RASGRP3: variants seen among roughly 807,000 people sequenced by gnomAD.
RASGRP3 encodes the protein ras guanyl-releasing protein 3.
RASGRP3 carries 54 observed loss-of-function variants against 82.7 expected under a neutral mutation model. The ratio of observed to expected loss-of-function variants is 0.65; its 90% CI spans 0.52 to 0.82. The LOEUF is 0.82. RASGRP3 is among the 40% of genes least tolerant of loss of function. RASGRP3 has a pLI of 0.00. For synonymous variants in RASGRP3, 309 were observed against 300.5 expected, an observed-to-expected ratio of 1.03 and a Z score of -0.29; for missense variants, 861 against 828.9, an observed-to-expected ratio of 1.04 and a Z score of -0.48.
chr2:33,534,718 T>G (rs1320125596), intron 11 of RASGRP3, among the ~76,000 whole-genome samples: 2 of 147,910 alleles, frequency 1.4e-5, no homozygotes, highest in African/African-American at 2.5e-5. Context: ...TTTTTTTGTA[T>G]TTTTAGTAGA....
intron 13 of RASGRP3, among the ~76,000 whole-genome samples, chr2:33,546,442 A>AGTCAAAAAATAACAGAT (rs1237748753): frequency 6.6e-6 from 1 of 151,760 alleles, no homozygotes; most frequent in Non-Finnish European, 1.5e-5. Context: ...AAAAAAAGAA[A>AGTCAAAAAATAACAGAT]GTCAAAAAAT....
At chr2:33,504,855 C>G (rs1035342541) in intron 1 of RASGRP3, among the ~76,000 whole-genome samples, 1 of 152,150 alleles carries the variant, frequency 6.6e-6, no homozygotes, top group African/African-American at 2.4e-5. Flanking sequence ...GTTAAAAATG[C>G]CTTCCTGTTC....
intron 2 of RASGRP3, chr2:33,458,217 A>G (rs1574242842): frequency 1.3e-5 from 2 of 152,232 alleles, no homozygotes; most frequent in African/African-American, 2.4e-5. Context: ...GGTTGGTTGA[A>G]TGCCATTTTT....
intron 15 of RASGRP3, among the ~76,000 whole-genome samples, chr2:33,557,779 T>C (rs1259127856): frequency 1.3e-5 from 2 of 151,644 alleles, no homozygotes; most frequent in African/African-American, 2.4e-5. Context: ...TCAGAGGCAG[T>C]TGGCCTGGGA....
chr2:33,444,716 T>C (rs956465693), intron 1 of RASGRP3, among the ~76,000 whole-genome samples: 2 of 152,340 alleles, frequency 1.3e-5, no homozygotes, highest in Non-Finnish European at 1.5e-5. Flanking sequence ...GTTTTGGAGA[T>C]TTGGCTTATT....
At chr2:33,512,867 T>G (rs1417252813) in intron 2 of RASGRP3, among the ~76,000 whole-genome samples, 1 of 152,226 alleles carries the variant, frequency 6.6e-6, no homozygotes, top group Non-Finnish European at 1.5e-5. Context: ...TTGGAGCTTA[T>G]GTTTATGACA....
chr2:33,546,455 C>G (rs2151084780), intron 13 of RASGRP3, among the ~76,000 whole-genome samples: 1 of 149,940 alleles, frequency 6.7e-6, no homozygotes, highest in South Asian at 2.1e-4. Context: ...CAAAAAATAA[C>G]AGATGCTAGT....
intron 2 of RASGRP3, among the ~76,000 whole-genome samples, chr2:33,512,101 G>A (rs1670980699): frequency 6.6e-6 from 1 of 152,214 alleles, no homozygotes; most frequent in African/African-American, 2.4e-5. Flanking sequence ...TCAGGTAAAT[G>A]TGCAGGTGAC....
At chr2:33,534,183 G>C in intron 10 of RASGRP3, 140 bp from the exon 11 acceptor site, 3 of 613,570 alleles carry the variant, frequency 4.9e-6, no homozygotes, top group Non-Finnish European at 8.7e-6. Flanking sequence ...CCATCTCTGC[G>C]TGCCGTCTTT....
intron 1 of RASGRP3, among the ~76,000 whole-genome samples, chr2:33,479,198 G>T (rs892772133): frequency 3.3e-5 from 5 of 152,246 alleles, no homozygotes; most frequent in Non-Finnish European, 1.5e-5. Context: ...GAAGGGCTAG[G>T]TTTCCCCCTG....
intron 2 of RASGRP3, among the ~76,000 whole-genome samples, chr2:33,453,200 A>G (rs780496754): frequency 8.5e-5 from 13 of 152,224 alleles, no homozygotes; most frequent in Non-Finnish European, 1.2e-4. Context: ...TTTAAAAAGC[A>G]ATGAGTGTAT....
At position 33,539,148 on chromosome 2, in the gene RASGRP3, T is replaced by G; in HGVS notation, c.1216T>G (p.Leu406Val). 1 of 1,612,198 alleles carries G rather than the reference T, an allele frequency of 6.2e-7. No homozygotes were observed. The highest frequency in any genetic ancestry group is 8.5e-7 in the Non-Finnish European group (1 of 1,179,254). Reference sequence around the variant, plus strand: ...GCCTGTGGTACCCCTGGAGTGGGCATTAGGGGTGATGCCAAAGCCAGACCC... The same window carrying G: ...GCCTGTGGTACCCCTGGAGTGGGCAGTAGGGGTGATGCCAAAGCCAGACCC... Reference protein sequence around the residue: ...NKPVVPLEWALGVMPKPDPTV... With the variant: ...NKPVVPLEWAVGVMPKPDPTV... Residue 406 changes from leucine to valine, a missense_variant, in exon 12 of 18, where the codon TTA (leucine) becomes GTA (valine). Transcript: ENST00000403687.
At chr2:33,497,318 A>T (rs908466976) in intron 1 of RASGRP3, among the ~76,000 whole-genome samples, 1 of 152,230 alleles carries the variant, frequency 6.6e-6, no homozygotes, top group Non-Finnish European at 1.5e-5. Flanking sequence ...GTGGTGAGAT[A>T]AAGATTGGCA....
intron 2 of RASGRP3, among the ~76,000 whole-genome samples, chr2:33,468,838 T>C (rs1574266536): frequency 1.3e-5 from 2 of 152,368 alleles, no homozygotes; most frequent in African/African-American, 4.8e-5. Context: ...CTTATACATA[T>C]GCAATCCATA....
At chr2:33,546,853 A>C (rs1674812299) in intron 13 of RASGRP3, among the ~76,000 whole-genome samples, 1 of 152,076 alleles carries the variant, frequency 6.6e-6, no homozygotes, top group African/African-American at 2.4e-5. Context: ...GGAACACCTG[A>C]GTCGGGAGCT....
chr2:33,503,592 C>CT (rs36120670), intron 1 of RASGRP3, among the ~76,000 whole-genome samples: 26,378 of 149,738 alleles, frequency 0.18, 2,593 homozygotes, highest in African/African-American at 0.27. Context: ...TTTAAACACA[C>CT]TTTTTTTTTT....
At chr2:33,549,502 G>A (rs1464429397) in intron 13 of RASGRP3, 102 bp from the exon 14 acceptor site, 3 of 1,163,788 alleles carry the variant, frequency 2.6e-6, no homozygotes, top group Non-Finnish European at 3.6e-6. Flanking sequence ...TGCCTCAACT[G>A]CTTTTGGCCA....
At position 33,555,546 on chromosome 2, in the gene RASGRP3, A is replaced by C; in HGVS notation, c.1558A>C (p.Lys520Gln). 1.9e-6 allele frequency: 3 copies of C among 1,599,112 alleles called. No individual in the cohort carries two copies. Among genetic ancestry groups the C allele is most frequent in the Non-Finnish European group, 2.6e-6 (3 of 1,168,912 alleles). ...HCAGFLWGII[K>Q]QGYKCKDCGA... is the part of the protein sequence containing the mutation. The stretch of plus-strand genomic sequence containing the variant: ...TTTGTTACAGCTCTGGGGCATAATC[A>C]AGCAAGGATACAAATGCAAAGGTAA... The change falls in exon 15 of 18, where the codon AAG becomes CAG. Residue 520 changes from lysine to glutamine, a missense_variant. Physicochemically the swap from Lys to Gln is moderately conservative, Grantham distance 53. Transcript: ENST00000403687.
intron 1 of RASGRP3, among the ~76,000 whole-genome samples, chr2:33,444,355 A>T (rs1665392536): frequency 6.6e-6 from 1 of 152,192 alleles, no homozygotes; most frequent in East Asian, 1.9e-4. Flanking sequence ...ATCCAAGATA[A>T]CATTTCAACA....
Sources: allele counts gnomAD v4.1 joint callset (sites outside exome capture counted in the v4.1 genomes callset), GRCh38; gene constraint gnomAD v4.1.1; transcripts MANE v1.5; gene names NCBI Gene and HGNC (gene_info 2026-07-23, HGNC 2026-07-21).